Variants in ENOX1 observed in about 807,000 individuals in gnomAD.
ENOX1 encodes candidate growth-related and time keeping constitutive hydroquinone (NADH) oxidase.
ENOX1 carries 42 observed loss-of-function variants against 82.5 expected under a neutral mutation model. That is an observed-to-expected ratio of 0.51 (90% confidence interval 0.40 to 0.66). The LOEUF (loss-of-function observed/expected upper bound fraction) is 0.66, where lower values mean the gene tolerates loss of function less well. Ranked by LOEUF, ENOX1 falls within the 30% of genes least tolerant of loss-of-function variation. The pLI, the probability that ENOX1 is intolerant of heterozygous loss-of-function variation, is 0.00. For missense variants in ENOX1, 608 were observed against 811.6 expected, an observed-to-expected ratio of 0.75 and a Z score of 3.05; for synonymous variants, 271 against 282.2, an observed-to-expected ratio of 0.96 and a Z score of 0.40.
chr13:43,745,731 C>T (rs543358384), intron 1 of ENOX1, among the ~76,000 whole-genome samples: 8 of 152,150 alleles, frequency 5.3e-5, no homozygotes, highest in South Asian at 2.1e-4. Flanking sequence ...CCCCAGATGT[C>T]GTGGGAGGGA....
chr13:43,437,602 C>T (rs1358944755), intron 3 of ENOX1, among the ~76,000 whole-genome samples: 2 of 152,182 alleles, frequency 1.3e-5, no homozygotes, highest in Non-Finnish European at 2.9e-5. Flanking sequence ...CTGATTTTCA[C>T]ATATTAGAAG....
intron 3 of ENOX1, among the ~76,000 whole-genome samples, chr13:43,471,355 T>G (rs1258742533): frequency 6.6e-6 from 1 of 152,102 alleles, no homozygotes; most frequent in South Asian, 2.1e-4. Context: ...GCAGATACAT[T>G]TGTCAGAACT....
intron 1 of ENOX1, among the ~76,000 whole-genome samples, chr13:43,757,425 G>C (rs1950715416): frequency 6.6e-6 from 1 of 152,182 alleles, no homozygotes; most frequent in Non-Finnish European, 1.5e-5. Context: ...AAGCTGGCCA[G>C]CTGGATGATG....
At chr13:43,510,022 G>C (rs1242448367) in intron 2 of ENOX1, among the ~76,000 whole-genome samples, 1 of 151,998 alleles carries the variant, frequency 6.6e-6, no homozygotes, top group East Asian at 1.9e-4. Flanking sequence ...ACGTCTGTTG[G>C]AAGTCATTGT....
intron 9 of ENOX1, among the ~76,000 whole-genome samples, chr13:43,334,026 T>C (rs921322278): frequency 6.6e-6 from 1 of 152,204 alleles, no homozygotes; most frequent in Non-Finnish European, 1.5e-5. Context: ...ACCAGCATCA[T>C]CAACATCACT....
intron 2 of ENOX1, among the ~76,000 whole-genome samples, chr13:43,517,757 G>A (rs2077610861): frequency 6.6e-6 from 1 of 152,084 alleles, no homozygotes; most frequent in Non-Finnish European, 1.5e-5. Context: ...TTATTCAGTG[G>A]TGCGGGCCTT....
intron 9 of ENOX1, among the ~76,000 whole-genome samples, chr13:43,343,815 G>C (rs959466268): frequency 6.6e-6 from 1 of 152,140 alleles, no homozygotes; most frequent in Non-Finnish European, 1.5e-5. Flanking sequence ...TGTGATGCAT[G>C]ATGCCACTGT....
chr13:43,323,254 C>T (rs1259919786), intron 10 of ENOX1, among the ~76,000 whole-genome samples: 1 of 152,152 alleles, frequency 6.6e-6, no homozygotes, highest in Non-Finnish European at 1.5e-5. Context: ...TGCACACGGT[C>T]ATGTTGGGGT....
chr13:43,739,775 A>G (rs892225141), intron 1 of ENOX1, among the ~76,000 whole-genome samples: 8 of 151,894 alleles, frequency 5.3e-5, no homozygotes, highest in Non-Finnish European at 8.8e-5. Flanking sequence ...TTAACCCTTA[A>G]CAGCATGGGT....
intron 2 of ENOX1, among the ~76,000 whole-genome samples, chr13:43,532,948 C>A (rs1449614212): frequency 1.3e-5 from 2 of 151,078 alleles, no homozygotes; most frequent in African/African-American, 2.4e-5. Flanking sequence ...TGGATATAAC[C>A]ACATGAACAA....
intron 2 of ENOX1, among the ~76,000 whole-genome samples, chr13:43,631,593 C>T (rs146752172): frequency 1.3e-5 from 2 of 152,294 alleles, no homozygotes; most frequent in African/African-American, 4.8e-5. Flanking sequence ...GCAAGAACCC[C>T]TGTCTGCTAA....
In ENOX1 at chr13:43,344,621, A is replaced by G. The variant is rs1566562193; in HGVS notation, c.953T>C (p.Met318Thr). 2 of 1,614,130 alleles carry G rather than the reference A, an allele frequency of 1.2e-6. No homozygotes were observed. Among genetic ancestry groups the G allele is most frequent in the Non-Finnish European group, 1.7e-6 (2 of 1,180,022 alleles). Reference protein sequence around the residue: ...QSANSHVRRLMNEKATHEQEM... With the variant: ...QSANSHVRRLTNEKATHEQEM... Reference sequence around the variant, plus strand: ...TTGCTCATGGGTGGCTTTTTCATTCATTAGCCGGCGGACGTGGCTGTTGGC... The same window carrying G: ...TTGCTCATGGGTGGCTTTTTCATTCGTTAGCCGGCGGACGTGGCTGTTGGC... The change falls in exon 9 of 17, where the codon ATG (methionine) becomes ACG (threonine). Residue 318 changes from methionine (M) to threonine (T), a missense_variant. Coordinates refer to ENST00000690772, the MANE Select transcript of ENOX1 (RefSeq NM_001347969.2).
At chr13:43,620,209 T>C (rs1478661394) in intron 2 of ENOX1, among the ~76,000 whole-genome samples, 1 of 152,064 alleles carries the variant, frequency 6.6e-6, no homozygotes, top group Non-Finnish European at 1.5e-5. Flanking sequence ...GGCTTTTTTT[T>C]CCTTTATCTT....
chr13:43,650,034 C>G (rs1328226185), intron 2 of ENOX1, among the ~76,000 whole-genome samples: 2 of 152,206 alleles, frequency 1.3e-5, no homozygotes, highest in Non-Finnish European at 2.9e-5. Context: ...CAGTCACCAT[C>G]AACACCTCTG....
intron 16 of ENOX1, among the ~76,000 whole-genome samples, chr13:43,221,912 C>T (rs2041810171): frequency 6.6e-6 from 1 of 152,106 alleles, no homozygotes; most frequent in Non-Finnish European, 1.5e-5. Context: ...TCTAAATATC[C>T]TCTCAGCCTC....
chr13:43,782,723 G>A (rs1033981469), intron 1 of ENOX1, among the ~76,000 whole-genome samples: 21 of 152,010 alleles, frequency 1.4e-4, no homozygotes, highest in East Asian at 3.9e-4. Flanking sequence ...AATAGCACAC[G>A]GAACCTCAAA....
intron 1 of ENOX1, among the ~76,000 whole-genome samples, chr13:43,715,834 T>G (rs1039634956): frequency 5.9e-5 from 9 of 152,210 alleles, no homozygotes; most frequent in Admixed American, 5.9e-4. Flanking sequence ...CTTTAAGGAC[T>G]TCTCTGCATT....
intron 2 of ENOX1, among the ~76,000 whole-genome samples, chr13:43,486,889 T>C (rs891876446): frequency 7.9e-5 from 12 of 152,250 alleles, no homozygotes; most frequent in Non-Finnish European, 1.3e-4. Context: ...TTAGGAAATG[T>C]TGGCGGGATG....
At chr13:43,482,168 T>C (rs2058531886) in intron 3 of ENOX1, among the ~76,000 whole-genome samples, 2 of 152,146 alleles carry the variant, frequency 1.3e-5, no homozygotes, top group African/African-American at 4.8e-5. Flanking sequence ...GAAAACAGGA[T>C]CTTGTAGAGA....
Sources: gnomAD v4.1 joint callset for allele counts (sites outside exome capture counted in the v4.1 genomes callset) on GRCh38, gnomAD v4.1.1 for gene constraint, MANE v1.5 for transcripts, NCBI Gene and HGNC (gene_info 2026-07-23, HGNC 2026-07-21) for gene names.